The following BIRC6 variants were observed in gnomAD, a reference collection of about 807,000 sequenced individuals.
BIRC6 encodes dual E2 ubiquitin-conjugating enzyme/E3 ubiquitin-protein ligase BIRC6.
In BIRC6, 98 loss-of-function variants were observed where a neutral mutation model predicts 503.3. The ratio of observed to expected loss-of-function variants is 0.19; its 90% CI spans 0.17 to 0.23. The LOEUF is 0.23. Ranked by LOEUF, BIRC6 falls within the 10% of genes least tolerant of loss-of-function variation. The probability of loss-of-function intolerance (pLI) is 1.00; values close to 1 mark genes in which losing one functional copy is unlikely to be tolerated. For synonymous variants in BIRC6, 2,240 were observed against 2,078.7 expected (o/e 1.08, Z -2.11); for missense variants, 5,360 against 5,806.0 (o/e 0.92, Z 2.50).
At position 32,481,359 on chromosome 2, in the gene BIRC6, T is replaced by C. The variant is rs533413816; in HGVS notation, c.7448T>C (p.Ile2483Thr). ...TCCTCTTTGGAAAAAGATAAAGAAA[T>C]TGACCTTGAGTTACTTCAGGATCTA... is the stretch of plus-strand genomic sequence containing the variant. Reference protein sequence around the residue: ...PLSSLEKDKEIDLELLQDLME... With the variant: ...PLSSLEKDKETDLELLQDLME... The change falls in exon 38 of 74, where the codon ATT (isoleucine) becomes ACT (threonine). Residue 2483 changes from isoleucine (I) to threonine (T), a missense_variant. Ile to Thr is a moderately conservative substitution (Grantham distance 89). Coordinates refer to ENST00000421745, the MANE Select transcript of BIRC6 (RefSeq NM_016252.4). 6.2e-7 allele frequency: 1 copy of C among 1,610,702 alleles called. No individual in the cohort carries two copies. Among genetic ancestry groups the C allele is most frequent in the African/African-American group, 1.3e-5 (1 of 74,854 alleles).
At chr2:32,596,101 A>C (rs1378862648) in intron 68 of BIRC6, among the ~76,000 whole-genome samples, 1 of 152,172 alleles carries the variant, frequency 6.6e-6, no homozygotes, top group African/African-American at 2.4e-5. Flanking sequence ...TTTAATTAGC[A>C]ATTACCAAGG....
At chr2:32,597,100 T>C (rs1458101250) in intron 68 of BIRC6, among the ~76,000 whole-genome samples, 1 of 152,244 alleles carries the variant, frequency 6.6e-6, no homozygotes, top group African/African-American at 2.4e-5. Context: ...CATAAGAAAC[T>C]GCATTTTCAA....
intron 1 of BIRC6, among the ~76,000 whole-genome samples, chr2:32,374,595 C>A (rs911231792): frequency 1.3e-5 from 2 of 151,790 alleles, no homozygotes; most frequent in Non-Finnish European, 2.9e-5. Context: ...GCCTCAGCCT[C>A]CCGAGTAGCT....
At chr2:32,380,737 A>G (rs983016103) in intron 3 of BIRC6, among the ~76,000 whole-genome samples, 2 of 152,154 alleles carry the variant, frequency 1.3e-5, no homozygotes, top group African/African-American at 2.4e-5. Context: ...CCCAAAAAAA[A>G]AGAAAAAAGT....
At chr2:32,519,020 C>T (rs1481120405) in intron 57 of BIRC6, 74 bp downstream of exon 57, 4 of 1,407,252 alleles carry the variant, frequency 2.8e-6, no homozygotes, top group Non-Finnish European at 3.9e-6. Flanking sequence ...GTTTTTATAA[C>T]TTTATTTTCT....
At chr2:32,544,445 G>A (rs2057906211) in intron 62 of BIRC6, among the ~76,000 whole-genome samples, 1 of 149,884 alleles carries the variant, frequency 6.7e-6, no homozygotes, top group South Asian at 2.1e-4. Flanking sequence ...CTCACAAGTA[G>A]ATTTTCATTT....
chr2:32,606,664 T>C (rs1270772709), intron 71 of BIRC6, among the ~76,000 whole-genome samples: 1 of 152,052 alleles, frequency 6.6e-6, no homozygotes, highest in African/African-American at 2.4e-5. Context: ...GGAATAAAAA[T>C]TTAAAATGGT....
intron 3 of BIRC6, among the ~76,000 whole-genome samples, chr2:32,381,895 C>G (rs2037715750): frequency 6.6e-6 from 1 of 151,982 alleles, no homozygotes; most frequent in African/African-American, 2.4e-5. Context: ...CTCATATCCT[C>G]AGAGATCATC....
In BIRC6 at chr2:32,395,500, T is replaced by A; in HGVS notation, c.952-11T>A. The stretch of plus-strand genomic sequence containing the variant: ...TTACCTTTTCTGTCTCTTTTCTTTA[T>A]AATTTTGCAGCCTGCCTCATCTGGA... On this transcript the variant is annotated splice_polypyrimidine_tract_variant and intron_variant, in intron 5 of 73. Transcript: ENST00000421745. 3.8e-6 allele frequency: 6 copies of A among 1,589,374 alleles called. No individual in the cohort carries two copies. The highest frequency in any genetic ancestry group is 5.2e-6 in the Non-Finnish European group (6 of 1,161,348).
At chr2:32,386,602 G>A (rs575017768) in intron 3 of BIRC6, among the ~76,000 whole-genome samples, 63 of 152,096 alleles carry the variant, frequency 4.1e-4, no homozygotes, top group African/African-American at 1.4e-3. Context: ...ATGCCATCAC[G>A]CCTGGCTGTT....
Position 32,422,866 on chromosome 2 carries a change from CTTGT to C in BIRC6, c.2873-6277_2873-6274del, listed in dbSNP as rs368798318. Among the ~76,000 whole-genome samples the C allele has an allele frequency of 1.2e-3, 182 of 152,264 alleles. 1 individual carries two copies. The highest frequency in any genetic ancestry group is 4.3e-3 in the African/African-American group (180 of 41,544). Reference sequence around the variant, plus strand: ...TATGCATTTTCCTGTCAGTGGACATCTTGTTTATTTCTGTTTTTTTCTGCTATAA... The same window carrying C: ...TATGCATTTTCCTGTCAGTGGACATCTTATTTCTGTTTTTTTCTGCTATAA... On this transcript the variant is annotated intron_variant, in intron 10 of 73. Coordinates refer to ENST00000421745, the MANE Select transcript of BIRC6 (RefSeq NM_016252.4).
intron 63 of BIRC6, among the ~76,000 whole-genome samples, chr2:32,547,517 C>T (rs2058132528): frequency 1.3e-5 from 2 of 152,246 alleles, no homozygotes; most frequent in African/African-American, 2.4e-5. Context: ...TAGGTTTATT[C>T]GTGTAGCGTA....
chr2:32,429,340 G>A lies in BIRC6; in HGVS notation c.3022+45G>A, dbSNP rs1224256975. 4.5e-6 allele frequency: 6 copies of A among 1,339,028 alleles called. No homozygotes were observed. In the African/African-American group the frequency reaches 4.5e-5, roughly 10 times the overall value. 82.9% of individuals were successfully genotyped at this position (1,339,028 alleles called of 1,614,324 possible). A position where few individuals can be genotyped will look rare whatever the true frequency, so the allele number is the denominator to read the frequency against. On this transcript the variant is annotated intron_variant, in intron 11 of 73. Transcript: ENST00000421745. Reference sequence around the variant, plus strand: ...AATGATTTTAAAAAAAGAATAGGTAGTATTTATCATTTTTCTAGTTGTTGG... The same window carrying A: ...AATGATTTTAAAAAAAGAATAGGTAATATTTATCATTTTTCTAGTTGTTGG...
chr2:32,424,227 A>T (rs1391258239), intron 10 of BIRC6, among the ~76,000 whole-genome samples: 1 of 151,444 alleles, frequency 6.6e-6, no homozygotes, highest in East Asian at 1.9e-4. Flanking sequence ...TAAATTTATC[A>T]TATGTGTGTG....
At chr2:32,392,850 C>T (rs2039420999) in intron 5 of BIRC6, among the ~76,000 whole-genome samples, 1 of 151,796 alleles carries the variant, frequency 6.6e-6, no homozygotes, top group Admixed American at 6.6e-5. Flanking sequence ...TGGTGTTGCC[C>T]AGACTGGTCT....
chr2:32,494,599 C>A (rs890547929), intron 45 of BIRC6, among the ~76,000 whole-genome samples: 2 of 151,656 alleles, frequency 1.3e-5, no homozygotes, highest in East Asian at 1.9e-4. Flanking sequence ...TCAAAAAAAT[C>A]CCCATTAATA....
intron 32 of BIRC6, among the ~76,000 whole-genome samples, chr2:32,472,090 C>G (rs770835844): frequency 3.3e-5 from 5 of 152,142 alleles, no homozygotes; most frequent in Non-Finnish European, 5.9e-5. Flanking sequence ...TTGAGAAAGT[C>G]TTGTCTCGTT....
In BIRC6 at chr2:32,545,653, T is replaced by G. The variant is rs763775187; in HGVS notation, c.12603T>G (p.Leu4201=). 2.5e-6 allele frequency: 4 copies of G among 1,613,126 alleles called. No homozygotes were observed. Among genetic ancestry groups the G allele is most frequent in the Non-Finnish European group, 3.4e-6 (4 of 1,179,114 alleles). Residue 4201 remains leucine, a synonymous_variant, in exon 63 of 74, where the codon CTT becomes CTG. Coordinates refer to ENST00000421745, the MANE Select transcript of BIRC6 (RefSeq NM_016252.4). ...VTDDGEGSHI[L]QSPSANVLPT... is the part of the protein sequence containing the mutation. ...CTTTCTTCAATCTAGGTCATATTCTTCAATCTCCATCAGCCAATGTGCTTC... is the reference window on the plus strand; with the variant it reads ...CTTTCTTCAATCTAGGTCATATTCTGCAATCTCCATCAGCCAATGTGCTTC...
chr2:32,418,317 T>C (rs144207415), intron 10 of BIRC6, among the ~76,000 whole-genome samples: 3 of 152,322 alleles, frequency 2.0e-5, no homozygotes, highest in Admixed American at 6.5e-5. Flanking sequence ...TTACCTGTGT[T>C]CGTTTAGTCA....
Sources: gnomAD v4.1 joint callset for allele counts (sites outside exome capture counted in the v4.1 genomes callset) on GRCh38, gnomAD v4.1.1 for gene constraint, MANE v1.5 for transcripts, NCBI Gene and HGNC (gene_info 2026-07-23, HGNC 2026-07-21) for gene names.